The following PTPRN2 variants were observed in gnomAD, a reference collection of about 807,000 sequenced individuals.
The protein encoded by PTPRN2 is protein tyrosine phosphatase receptor type N2.
In PTPRN2, 74 loss-of-function variants were observed where a neutral mutation model predicts 118.8. The observed-to-expected ratio is 0.62, with a 90% confidence interval of 0.52 to 0.76. The LOEUF is 0.76. PTPRN2 is among the 30% of genes least tolerant of loss of function. PTPRN2 has a pLI of 0.00. For synonymous variants in PTPRN2, 641 were observed against 608.0 expected (o/e 1.05, Z -0.80); for missense variants, 1,481 against 1,394.4 (o/e 1.06, Z -0.99).
intron 2 of PTPRN2, among the ~76,000 whole-genome samples, chr7:158,343,282 T>C (rs11764065): frequency 0.28 from 42,998 of 152,026 alleles, 6,657 homozygotes; most frequent in African/African-American, 0.38. Context: ...TACAAACAGC[T>C]GAAAGCACAG....
chr7:158,487,526 G>A (rs1022486192), intron 2 of PTPRN2, among the ~76,000 whole-genome samples: 2 of 152,048 alleles, frequency 1.3e-5, no homozygotes, highest in African/African-American at 2.4e-5. Flanking sequence ...AACCTCTGTT[G>A]GGCTTTTAAA....
intron 12 of PTPRN2, among the ~76,000 whole-genome samples, chr7:157,702,250 G>T (rs1235888883): frequency 4.0e-5 from 6 of 151,652 alleles, no homozygotes; most frequent in Non-Finnish European, 8.8e-5. Flanking sequence ...GTCGGTCCTG[G>T]TGTAACTGAC....
chr7:158,308,972 T>G (rs1801498691), intron 3 of PTPRN2, among the ~76,000 whole-genome samples: 1 of 152,152 alleles, frequency 6.6e-6, no homozygotes, highest in African/African-American at 2.4e-5. Context: ...TTAAGGAAAT[T>G]CAATGAGTAA....
intron 9 of PTPRN2, among the ~76,000 whole-genome samples, chr7:158,131,135 C>G (rs1229479769): frequency 2.5e-5 from 2 of 79,864 alleles, no homozygotes; most frequent in African/African-American, 8.4e-5. Flanking sequence ...TACGCACATA[C>G]ACACATACAC....
intron 11 of PTPRN2, among the ~76,000 whole-genome samples, chr7:157,971,294 G>A (rs968490358): frequency 1.3e-5 from 2 of 152,032 alleles, no homozygotes; most frequent in East Asian, 3.8e-4. Flanking sequence ...TATCCATCAC[G>A]AATCCGTATT....
At chr7:157,614,109 G>C (rs1166290050) in intron 15 of PTPRN2, 1 of 470,710 alleles carries the variant, frequency 2.1e-6, no homozygotes, top group African/African-American at 2.0e-5. Flanking sequence ...GAGGTGGGAG[G>C]AGGAAAAAGG....
intron 3 of PTPRN2, among the ~76,000 whole-genome samples, chr7:158,278,526 T>C (rs1465042962): frequency 2.6e-5 from 4 of 152,142 alleles, no homozygotes; most frequent in Admixed American, 2.6e-4. Flanking sequence ...CAAACTGAAA[T>C]TCTCTCTCGA....
At chr7:158,277,630 G>A (rs540840445) in intron 3 of PTPRN2, among the ~76,000 whole-genome samples, 35 of 152,336 alleles carry the variant, frequency 2.3e-4, no homozygotes, top group African/African-American at 7.9e-4. Context: ...ACTGCTGCAC[G>A]AGGTGCACAC....
At chr7:158,328,978 A>C (rs567084801) in intron 2 of PTPRN2, among the ~76,000 whole-genome samples, 37 of 145,162 alleles carry the variant, frequency 2.5e-4, no homozygotes, top group Middle Eastern at 3.9e-3. Flanking sequence ...GTCTGCAAGC[A>C]TCAGGTCTTA....
At chr7:158,226,355 G>A (rs58180441) in intron 3 of PTPRN2, among the ~76,000 whole-genome samples, 46,687 of 152,104 alleles carry the variant, frequency 0.31, 9,307 homozygotes, top group African/African-American at 0.57. Context: ...TTAACTGCAA[G>A]AGAGGTTGGC....
chr7:158,225,254 T>C (rs757285105), intron 3 of PTPRN2, among the ~76,000 whole-genome samples: 2 of 152,238 alleles, frequency 1.3e-5, no homozygotes, highest in Admixed American at 6.5e-5. Context: ...TGAAGACTTA[T>C]GTTCAAACAA....
rs182260476 is a variant in PTPRN2 at position 157,964,868 on chromosome 7, G to A, written c.1724-66131C>T. Among the ~76,000 whole-genome samples, 21 of 152,324 alleles carry A rather than the reference G, an allele frequency of 1.4e-4. No homozygotes were observed. Among genetic ancestry groups the A allele is most frequent in the East Asian group, 7.7e-4 (4 of 5,186 alleles). Reference sequence around the variant, plus strand: ...CCCAATTTCTCCACCGCACAGACTCGCCAGGGCTTTGGTTTGTGAGTGCCC... The same window carrying A: ...CCCAATTTCTCCACCGCACAGACTCACCAGGGCTTTGGTTTGTGAGTGCCC... On this transcript the variant is annotated intron_variant, in intron 11 of 22. Transcript: ENST00000389418. The surrounding 1 kb of genome is among the most constrained non-coding windows in gnomAD (Gnocchi z 9.0).
chr7:158,552,186 T>C (rs1187617471), intron 1 of PTPRN2, among the ~76,000 whole-genome samples: 1 of 147,270 alleles, frequency 6.8e-6, no homozygotes, highest in Admixed American at 6.7e-5. Flanking sequence ...CCCCAGCTCC[T>C]AACCCATCAC....
intron 2 of PTPRN2, among the ~76,000 whole-genome samples, chr7:158,366,892 T>C (rs1809575424): frequency 6.6e-6 from 1 of 152,248 alleles, no homozygotes; most frequent in Non-Finnish European, 1.5e-5. Context: ...GCAAATAGGA[T>C]TTAAAACAGC....
At position 158,438,180 on chromosome 7, in the gene PTPRN2, C is replaced by A. The variant is rs1586671637; in HGVS notation, c.163+51555G>T. Reference sequence around the variant, plus strand: ...ATCACCTGAGGTCAGGAATTTGAGACCAGCCTGGCCAACATGGTGAAACCC... The same window carrying A: ...ATCACCTGAGGTCAGGAATTTGAGAACAGCCTGGCCAACATGGTGAAACCC... On this transcript the variant is annotated intron_variant, in intron 2 of 22. Coordinates refer to ENST00000389418, the MANE Select transcript of PTPRN2 (RefSeq NM_002847.5). The surrounding 1 kb of genome is among the most constrained non-coding windows in gnomAD (Gnocchi z 4.7). Among the ~76,000 whole-genome samples, 1 of 152,100 alleles carries A rather than the reference C, an allele frequency of 6.6e-6. No individual in the cohort carries two copies. Among genetic ancestry groups the A allele is most frequent in the East Asian group, 1.9e-4 (1 of 5,172 alleles).
At chr7:157,967,798 G>A (rs1220589954) in intron 11 of PTPRN2, among the ~76,000 whole-genome samples, 2 of 152,172 alleles carry the variant, frequency 1.3e-5, no homozygotes, top group Non-Finnish European at 2.9e-5. Context: ...TATTTACCTT[G>A]GGATGAATGA....
intron 2 of PTPRN2, among the ~76,000 whole-genome samples, chr7:158,329,537 C>T (rs949587116): frequency 2.6e-5 from 4 of 152,158 alleles, no homozygotes; most frequent in East Asian, 1.9e-4. Context: ...GAGGAGGCAC[C>T]GTCGATGAGC....
At chr7:158,331,250 C>T (rs867696654) in intron 2 of PTPRN2, among the ~76,000 whole-genome samples, 39 of 133,226 alleles carry the variant, frequency 2.9e-4, no homozygotes, top group African/African-American at 5.3e-4. Flanking sequence ...GTCACTCACA[C>T]CCACACTCTC....
At chr7:158,100,721 T>A (rs1319238214) in intron 10 of PTPRN2, among the ~76,000 whole-genome samples, 1 of 152,242 alleles carries the variant, frequency 6.6e-6, no homozygotes, top group Non-Finnish European at 1.5e-5. Context: ...TGTCTATTCA[T>A]GTCTTTAGCC....
Sources: gnomAD v4.1 joint callset for allele counts (sites outside exome capture counted in the v4.1 genomes callset) on GRCh38, gnomAD v4.1.1 for gene constraint, Gnocchi (gnomAD v3.1) non-coding constraint, MANE v1.5 for transcripts, NCBI Gene and HGNC (gene_info 2026-07-23, HGNC 2026-07-21) for gene names.